The following KIF16B variants were observed in gnomAD, a reference collection of about 807,000 sequenced individuals.
KIF16B encodes kinesin family member 16B.
Under a neutral mutation model 156.3 loss-of-function variants are expected in KIF16B, and 98 were observed. The ratio of observed to expected loss-of-function variants is 0.63; its 90% confidence interval spans 0.53 to 0.74. KIF16B has a LOEUF of 0.74. Ranked by LOEUF, KIF16B falls within the 30% of genes least tolerant of loss-of-function variation. The pLI is 0.00. For missense variants in KIF16B, 1,421 were observed against 1,606.5 expected (o/e 0.88, Z 1.97); for synonymous variants, 564 against 583.7 (o/e 0.97, Z 0.49).
At chr20:16,452,439 G>A (rs965952948) in intron 12 of KIF16B, among the ~76,000 whole-genome samples, 6 of 150,612 alleles carry the variant, frequency 4.0e-5, no homozygotes, top group Non-Finnish European at 7.4e-5. Flanking sequence ...AGAAGCAGAA[G>A]AAAATGCACC....
chr20:16,426,798 T>C (rs2066364869), intron 15 of KIF16B, among the ~76,000 whole-genome samples: 1 of 152,090 alleles, frequency 6.6e-6, no homozygotes, highest in Non-Finnish European at 1.5e-5. Context: ...AAGAAACCAT[T>C]GTGTTAAGGT....
intron 22 of KIF16B, 37 bp downstream of exon 22, chr20:16,370,549 T>A: frequency 6.6e-7 from 1 of 1,521,358 alleles, no homozygotes; most frequent in Non-Finnish European, 8.8e-7. Flanking sequence ...TGCCATAATT[T>A]AAGGCGACCC....
chr20:16,537,279 A>C (rs1367854317), intron 1 of KIF16B, among the ~76,000 whole-genome samples: 1 of 152,062 alleles, frequency 6.6e-6, no homozygotes, highest in Non-Finnish European at 1.5e-5. Flanking sequence ...ATCCTGCCCC[A>C]TCCTCTTCCC....
At chr20:16,465,763 C>T (rs1432720179) in intron 12 of KIF16B, among the ~76,000 whole-genome samples, 1 of 147,148 alleles carries the variant, frequency 6.8e-6, no homozygotes, top group Non-Finnish European at 1.5e-5. Flanking sequence ...TCTCTCCTCT[C>T]ACTTAAAAAA....
At chr20:16,497,037 C>T (rs2068470946) in intron 11 of KIF16B, among the ~76,000 whole-genome samples, 1 of 151,946 alleles carries the variant, frequency 6.6e-6, no homozygotes, top group Non-Finnish European at 1.5e-5. Context: ...AGTATAGAAC[C>T]AGGTCAGCCA....
chr20:16,444,334 C>A (rs973724177), intron 12 of KIF16B, among the ~76,000 whole-genome samples: 3 of 151,680 alleles, frequency 2.0e-5, no homozygotes, highest in Admixed American at 1.3e-4. Flanking sequence ...TTTTGTATGG[C>A]TGGAATGCTA....
intron 1 of KIF16B, among the ~76,000 whole-genome samples, chr20:16,566,574 C>G: frequency 6.6e-6 from 1 of 152,172 alleles, no homozygotes. Context: ...GAAATGCTAC[C>G]TCATTAAATT....
chr20:16,402,371 A>G (rs1002509520), intron 17 of KIF16B, among the ~76,000 whole-genome samples: 2 of 152,174 alleles, frequency 1.3e-5, no homozygotes, highest in African/African-American at 4.8e-5. Flanking sequence ...CCTTCTCAGG[A>G]TTACTGGCAA....
At chr20:16,520,782 C>G (rs1406463779) in intron 3 of KIF16B, among the ~76,000 whole-genome samples, 3 of 152,106 alleles carry the variant, frequency 2.0e-5, no homozygotes, top group Non-Finnish European at 4.4e-5. Flanking sequence ...CGGGAGAGCT[C>G]CGGGTGGCAT....
At chr20:16,528,330 TG>T in intron 2 of KIF16B, 40 bp downstream of exon 2, 2 of 1,485,250 alleles carry the variant, frequency 1.3e-6, no homozygotes, top group Non-Finnish European at 1.9e-6. Context: ...AAAGCAATCA[TG>T]GGGCTCTTGG....
At chr20:16,504,327 C>T (rs2068712659) in intron 10 of KIF16B, 45 bp downstream of exon 10, 2 of 1,576,534 alleles carry the variant, frequency 1.3e-6, no homozygotes, top group South Asian at 1.1e-5. Context: ...GAAATAGATG[C>T]CATTACTCAA....
At chr20:16,394,419 T>C (rs1035006854) in intron 17 of KIF16B, among the ~76,000 whole-genome samples, 1 of 152,212 alleles carries the variant, frequency 6.6e-6, no homozygotes. Flanking sequence ...AGCCCACTTC[T>C]TTCAGTTGCT....
intron 9 of KIF16B, 94 bp downstream of exon 9, chr20:16,505,628 G>A (rs982682015): frequency 6.4e-6 from 7 of 1,098,426 alleles, no homozygotes; most frequent in Non-Finnish European, 7.9e-6. Flanking sequence ...GATGTAAAAG[G>A]TGCTATTTCC....
At chr20:16,462,992 G>A (rs1013730846) in intron 12 of KIF16B, among the ~76,000 whole-genome samples, 4 of 152,168 alleles carry the variant, frequency 2.6e-5, no homozygotes, top group African/African-American at 7.2e-5. Context: ...TTCTTCCCAC[G>A]CTATGCAAAT....
At chr20:16,392,777 T>G (rs1568928620) in intron 17 of KIF16B, among the ~76,000 whole-genome samples, 1 of 152,230 alleles carries the variant, frequency 6.6e-6, no homozygotes, top group Non-Finnish European at 1.5e-5. Context: ...TTCCTTCCCT[T>G]ATTTCTCTCC....
intron 23 of KIF16B, among the ~76,000 whole-genome samples, chr20:16,350,279 G>A (rs569724828): frequency 6.6e-6 from 1 of 152,326 alleles, no homozygotes; most frequent in Admixed American, 6.5e-5. Flanking sequence ...GTGAGAAAAG[G>A]CGGGCACCTC....
At chr20:16,560,417 G>C (rs2071013658) in intron 1 of KIF16B, among the ~76,000 whole-genome samples, 1 of 152,212 alleles carries the variant, frequency 6.6e-6, no homozygotes, top group Non-Finnish European at 1.5e-5. Context: ...GAATCAGCAG[G>C]TGCAGTGAGG....
At chr20:16,404,733 T>A in intron 17 of KIF16B, 80 bp downstream of exon 17, 1 of 1,112,756 alleles carries the variant, frequency 9.0e-7, no homozygotes, top group Non-Finnish European at 1.3e-6. Context: ...GTTTTATTTT[T>A]ACCTTGTGAC....
chr20:16,366,967 G>C (rs2064680938), intron 22 of KIF16B: 1 of 1,289,800 alleles, frequency 7.8e-7, no homozygotes, highest in South Asian at 2.7e-5. Flanking sequence ...GCTATTAGCT[G>C]TTTTTATTTT....
Sources: gnomAD v4.1 joint callset for allele counts (sites outside exome capture counted in the v4.1 genomes callset) on GRCh38, gnomAD v4.1.1 for gene constraint, MANE v1.5 for transcripts, NCBI Gene and HGNC (gene_info 2026-07-23, HGNC 2026-07-21) for gene names.